The following JAK1 variants were observed in gnomAD, a reference collection of about 807,000 sequenced individuals.
JAK1 encodes tyrosine-protein kinase JAK1.
In JAK1, 16 loss-of-function variants were observed where a neutral mutation model predicts 136.6. That is an observed-to-expected ratio of 0.12 (90% confidence interval 0.08 to 0.18). The LOEUF (loss-of-function observed/expected upper bound fraction) is 0.18, where lower values mean the gene tolerates loss of function less well. Ranked by LOEUF, JAK1 falls within the 10% of genes least tolerant of loss-of-function variation. The probability of loss-of-function intolerance (pLI) is 1.00; values close to 1 mark genes in which losing one functional copy is unlikely to be tolerated. For missense variants in JAK1, 859 were observed against 1,450.1 expected, an observed-to-expected ratio of 0.59 and a Z score of 6.62; for synonymous variants, 492 against 519.5, an observed-to-expected ratio of 0.95 and a Z score of 0.72.
At chr1:64,902,844 A>G (rs933375133) in intron 1 of JAK1, among the ~76,000 whole-genome samples, 2 of 152,138 alleles carry the variant, frequency 1.3e-5, no homozygotes, top group Admixed American at 6.5e-5. Context: ...AATGCTCACA[A>G]TAGTGACTAC....
intron 6 of JAK1, among the ~76,000 whole-genome samples, chr1:64,868,443 A>G (rs1343425801): frequency 6.6e-6 from 1 of 152,218 alleles, no homozygotes; most frequent in Non-Finnish European, 1.5e-5. Flanking sequence ...ATGTAATATA[A>G]CAGAATTAGA....
intron 2 of JAK1, among the ~76,000 whole-genome samples, chr1:64,997,073 GGA>G (rs1646710431): frequency 6.6e-6 from 1 of 152,200 alleles, no homozygotes; most frequent in South Asian, 2.1e-4. Flanking sequence ...AAAAAATCAA[GGA>G]GAGAGATTAA....
At chr1:64,960,188 A>C (rs908414424) in intron 1 of JAK1, among the ~76,000 whole-genome samples, 2 of 152,248 alleles carry the variant, frequency 1.3e-5, no homozygotes, top group East Asian at 1.9e-4. Context: ...TGACCACACC[A>C]CTGCACTTCA....
intron 2 of JAK1, chr1:64,991,502 T>C (rs1339591035): frequency 6.6e-6 from 1 of 152,242 alleles, no homozygotes; most frequent in Non-Finnish European, 1.5e-5. Flanking sequence ...TTAAATCTAA[T>C]TGTCTCAAAC....
chr1:64,920,887 C>T (rs1645483232), intron 1 of JAK1, among the ~76,000 whole-genome samples: 1 of 152,152 alleles, frequency 6.6e-6, no homozygotes, highest in Admixed American at 6.5e-5. Context: ...AGGTCCAGTG[C>T]AAAACTGTCC....
chr1:64,851,974 C>A (rs1655625290), intron 11 of JAK1, among the ~76,000 whole-genome samples: 1 of 152,300 alleles, frequency 6.6e-6, no homozygotes, highest in African/African-American at 2.4e-5. Flanking sequence ...GTAGAACAGC[C>A]AGGCACAACC....
chr1:64,835,460 G>T lies in JAK1; in HGVS notation c.3305C>A (p.Thr1102Lys). ...TTCTTTTAACGTATTCACAAGTCTTGTGACTGTCATCTGGCCATGGGTTGG... is the reference window on the plus strand; with the variant it reads ...TTCTTTTAACGTATTCACAAGTCTTTTGACTGTCATCTGGCCATGGGTTGG... ...IGPTHGQMTV[T>K]RLVNTLKEGK... The change falls in exon 24 of 25, where the codon ACA becomes AAA. Residue 1102 changes from threonine (T) to lysine (K), a missense_variant. Around this residue, in one of 4 missense-constraint regions of JAK1, gnomAD observed 53 missense variants for 64.8 expected, o/e 0.82. Coordinates refer to ENST00000342505, the MANE Select transcript of JAK1 (RefSeq NM_002227.4). 1.2e-6 allele frequency: 2 copies of T among 1,609,130 alleles called. No homozygotes were observed. Among genetic ancestry groups the T allele is most frequent in the Non-Finnish European group, 1.7e-6 (2 of 1,178,492 alleles).
At position 64,869,354 on chromosome 1, in the gene JAK1, T is replaced by C. The variant is rs758246645; in HGVS notation, c.604A>G (p.Met202Val). The change falls in exon 6 of 25, where the codon ATG (methionine) becomes GTG (valine). Residue 202 changes from methionine to valine, a missense_variant. Around this residue, in one of 4 missense-constraint regions of JAK1, gnomAD observed 353 missense variants for 494.0 expected, o/e 0.71. Coordinates refer to ENST00000342505, the MANE Select transcript of JAK1 (RefSeq NM_002227.4). Reference protein sequence around the residue: ...MAVLAISHYAMMKKMQLPELP... With the variant: ...MAVLAISHYAVMKKMQLPELP... ...TCTGGCAACTGCATCTTCTTCATCA[T>C]GGCATAGTGTGAGATGGCCAGGACA... 3 of 1,614,142 alleles carry C rather than the reference T, an allele frequency of 1.9e-6. No homozygotes were observed. Among genetic ancestry groups the C allele is most frequent in the Non-Finnish European group, 1.7e-6 (2 of 1,180,002 alleles).
intron 1 of JAK1, among the ~76,000 whole-genome samples, chr1:64,941,666 T>A (rs760171778): frequency 1.3e-5 from 2 of 152,158 alleles, no homozygotes; most frequent in Non-Finnish European, 2.9e-5. Flanking sequence ...GGCCTACATT[T>A]TGAAAATGAA....
At chr1:64,860,721 G>A (rs1208519504) in intron 8 of JAK1, among the ~76,000 whole-genome samples, 2 of 151,986 alleles carry the variant, frequency 1.3e-5, no homozygotes, top group African/African-American at 4.8e-5. Flanking sequence ...CCAAAGTGCT[G>A]GGATTACAGC....
At chr1:64,986,776 T>A (rs910800104) in intron 2 of JAK1, among the ~76,000 whole-genome samples, 8 of 151,854 alleles carry the variant, frequency 5.3e-5, no homozygotes, top group Admixed American at 5.3e-4. Flanking sequence ...CTTGGGAGGC[T>A]GAGGTGGGAG....
intron 1 of JAK1, among the ~76,000 whole-genome samples, chr1:65,066,457 G>A (rs561364943): frequency 5.0e-4 from 76 of 152,318 alleles, no homozygotes; most frequent in African/African-American, 1.6e-3. Flanking sequence ...CACTGGGAAT[G>A]GGAGAATGAA....
Position 64,886,083 on chromosome 1 carries a change from T to C in JAK1, c.6+176A>G, listed in dbSNP as rs554751305. Among the ~76,000 whole-genome samples the C allele has an allele frequency of 3.3e-5, 5 of 152,308 alleles. No individual in the cohort carries two copies. In the South Asian group the frequency reaches 6.2e-4, roughly 19 times the overall value. Reference sequence around the variant, plus strand: ...ACTTTTACTCTGTACCTCCTATACTTTTGTATTTGAGGTTTTTTTTAACCA... The same window carrying C: ...ACTTTTACTCTGTACCTCCTATACTCTTGTATTTGAGGTTTTTTTTAACCA... On this transcript the variant is annotated intron_variant, in intron 2 of 24. Coordinates refer to ENST00000342505, the MANE Select transcript of JAK1 (RefSeq NM_002227.4).
At chr1:64,860,824 CTCTG>C (rs963332231) in intron 8 of JAK1, among the ~76,000 whole-genome samples, 2 of 114,372 alleles carry the variant, frequency 1.7e-5, no homozygotes, top group Admixed American at 9.2e-5. Flanking sequence ...TATCAGATGA[CTCTG>C]TGTGTGTGTG....
In JAK1 at chr1:65,013,813, A is replaced by G. The variant is rs555567047; in HGVS notation, c.-78+30667T>C. Among the ~76,000 whole-genome samples, 14 of 152,372 alleles carry G rather than the reference A, an allele frequency of 9.2e-5. No homozygotes were observed. In the South Asian group the frequency reaches 2.9e-3, roughly 32 times the overall value. On this transcript the variant is annotated intron_variant, in intron 2 of 25. Transcript: ENST00000671954. ...TCACGTATGAGAGCTAGAAGAAATG[A>G]AAGAGTAGAAACAGAGTCAAAAAGA...
intron 20 of JAK1, 75 bp downstream of exon 20, chr1:64,839,528 C>G: frequency 7.5e-7 from 1 of 1,326,628 alleles, no homozygotes; most frequent in South Asian, 1.4e-5. Flanking sequence ...CACGGAGTGC[C>G]TGTTTTGCAC....
chr1:64,950,251 T>C (rs1263337699), intron 1 of JAK1, among the ~76,000 whole-genome samples: 2 of 151,766 alleles, frequency 1.3e-5, no homozygotes, highest in Non-Finnish European at 2.9e-5. Context: ...CTACTAAAGA[T>C]ACAAAAATTA....
At chr1:65,004,932 T>C (rs111963437) in intron 2 of JAK1, among the ~76,000 whole-genome samples, 1,649 of 152,284 alleles carry the variant, frequency 0.011, 9 homozygotes, top group Non-Finnish European at 0.018. Context: ...TGGGGATGTA[T>C]ACTAATGTCT....
intron 11 of JAK1, among the ~76,000 whole-genome samples, chr1:64,852,033 C>T (rs528264883): frequency 1.3e-5 from 2 of 152,320 alleles, no homozygotes; most frequent in South Asian, 2.1e-4. Flanking sequence ...TGCTGAGCGC[C>T]GGGTCCCTGC....
Sources: gnomAD v4.1 joint callset for allele counts (sites outside exome capture counted in the v4.1 genomes callset) on GRCh38, gnomAD v4.1.1 for gene constraint, gnomAD v4.1.1 regional missense constraint, MANE v1.5 for transcripts, NCBI Gene and HGNC (gene_info 2026-07-23, HGNC 2026-07-21) for gene names.